The following DPP10 variants were observed in gnomAD, a reference collection of about 807,000 sequenced individuals.
The protein encoded by DPP10 is dipeptidyl peptidase like 10, also known as inactive dipeptidyl peptidase 10.
Under a neutral mutation model 120.9 loss-of-function variants are expected in DPP10, and 33 were observed. The observed-to-expected ratio is 0.27, with a 90% CI of 0.21 to 0.37. The LOEUF (loss-of-function observed/expected upper bound fraction) is 0.37, where lower values mean the gene tolerates loss of function less well. DPP10 is among the 10% of genes least tolerant of loss of function. The pLI is 1.00. For synonymous variants in DPP10, 337 were observed against 326.1 expected (o/e 1.03, Z -0.36); for missense variants, 816 against 942.8 (o/e 0.87, Z 1.76).
chr2:114,985,109 T>C (rs896932293), intron 1 of DPP10, among the ~76,000 whole-genome samples: 1 of 152,228 alleles, frequency 6.6e-6, no homozygotes, highest in African/African-American at 2.4e-5. Flanking sequence ...TGCCTTTCTC[T>C]AACTCCATCT....
At chr2:114,976,125 A>G (rs1490605062) in intron 1 of DPP10, among the ~76,000 whole-genome samples, 2 of 152,224 alleles carry the variant, frequency 1.3e-5, no homozygotes. Flanking sequence ...AACAATGTTT[A>G]CAAATTAAAA....
intron 1 of DPP10, among the ~76,000 whole-genome samples, chr2:115,174,664 G>A (rs570630227): frequency 6.6e-6 from 1 of 152,270 alleles, no homozygotes; most frequent in Non-Finnish European, 1.5e-5. Context: ...ACATTGAAAA[G>A]ATGAATGTAT....
chr2:115,005,364 G>A (rs1177425458), intron 1 of DPP10, among the ~76,000 whole-genome samples: 12 of 152,214 alleles, frequency 7.9e-5, no homozygotes, highest in South Asian at 2.1e-4. Context: ...AAAGCTGGAC[G>A]GAGAATGACT....
chr2:114,598,517 T>C (rs1240526838), intron 1 of DPP10, among the ~76,000 whole-genome samples: 1 of 151,810 alleles, frequency 6.6e-6, no homozygotes, highest in African/African-American at 2.4e-5. Context: ...ATGCCAACAC[T>C]TAATAACTGA....
At chr2:114,974,786 G>T (rs1160530678) in intron 1 of DPP10, among the ~76,000 whole-genome samples, 2 of 152,046 alleles carry the variant, frequency 1.3e-5, no homozygotes, top group African/African-American at 4.8e-5. Flanking sequence ...TATGATGTTT[G>T]CAGGAAAACA....
intron 1 of DPP10, among the ~76,000 whole-genome samples, chr2:114,774,317 T>C (rs1184443926): frequency 6.6e-6 from 1 of 151,984 alleles, no homozygotes; most frequent in East Asian, 1.9e-4. Context: ...AACCAACCTA[T>C]GCACAGCAGT....
chr2:115,009,748 A>G (rs1435978383), intron 1 of DPP10, among the ~76,000 whole-genome samples: 1 of 152,222 alleles, frequency 6.6e-6, no homozygotes, highest in Non-Finnish European at 1.5e-5. Context: ...CACGTTCTGC[A>G]CATGTATCCT....
At chr2:115,383,581 C>G (rs1205072606) in intron 3 of DPP10, among the ~76,000 whole-genome samples, 1 of 152,158 alleles carries the variant, frequency 6.6e-6, no homozygotes, top group African/African-American at 2.4e-5. Context: ...CCATTTCAGA[C>G]TTTGCTAAGC....
chr2:114,789,013 A>G (rs1310454964), intron 1 of DPP10, among the ~76,000 whole-genome samples: 1 of 152,114 alleles, frequency 6.6e-6, no homozygotes, highest in Middle Eastern at 3.2e-3. Flanking sequence ...TCACCATTAT[A>G]TCTTTGGAAA....
At chr2:114,776,702 A>G (rs1323855381) in intron 1 of DPP10, among the ~76,000 whole-genome samples, 1 of 152,198 alleles carries the variant, frequency 6.6e-6, no homozygotes, top group Non-Finnish European at 1.5e-5. Flanking sequence ...TGTTGGATAA[A>G]TTACATTAGA....
chr2:115,047,670 G>A (rs546439470), intron 1 of DPP10, among the ~76,000 whole-genome samples: 4 of 152,022 alleles, frequency 2.6e-5, no homozygotes, highest in Non-Finnish European at 4.4e-5. Context: ...GAAATGCTCA[G>A]TTGTACTCTC....
chr2:115,579,176 T>TTTTGTTCCA (rs2081868771), intron 5 of DPP10: 1 of 152,178 alleles, frequency 6.6e-6, no homozygotes, highest in Non-Finnish European at 1.5e-5. Context: ...AGCTGGGGCA[T>TTTTGTTCCA]GAGTCCAGGC....
intron 1 of DPP10, among the ~76,000 whole-genome samples, chr2:114,845,079 G>A (rs1306161293): frequency 2.0e-5 from 3 of 152,126 alleles, no homozygotes; most frequent in African/African-American, 7.2e-5. Flanking sequence ...TCCAACGCTA[G>A]CGCCCTTTCC....
chr2:115,473,628 T>G (rs1012431326), intron 3 of DPP10, among the ~76,000 whole-genome samples: 3 of 152,352 alleles, frequency 2.0e-5, no homozygotes, highest in South Asian at 2.1e-4. Flanking sequence ...AAAGCCTCTG[T>G]CTGGCTGGCT....
At chr2:115,496,064 G>T (rs1237383245) in intron 3 of DPP10, among the ~76,000 whole-genome samples, 1 of 151,986 alleles carries the variant, frequency 6.6e-6, no homozygotes, top group Non-Finnish European at 1.5e-5. Flanking sequence ...ATCACTATTA[G>T]TCTGGTAGAT....
chr2:114,912,540 TC>T (rs1169622344), intron 1 of DPP10, among the ~76,000 whole-genome samples: 2 of 151,970 alleles, frequency 1.3e-5, no homozygotes, highest in Non-Finnish European at 2.9e-5. Context: ...GAAGAGCTTC[TC>T]CCACCAAGAG....
At chr2:115,228,180 C>T (rs1247217351) in intron 1 of DPP10, among the ~76,000 whole-genome samples, 1 of 151,946 alleles carries the variant, frequency 6.6e-6, no homozygotes, top group Non-Finnish European at 1.5e-5. Context: ...CTACTGGGCT[C>T]AAGTGGTCTG....
At chr2:114,924,092 C>T (rs936752706) in intron 1 of DPP10, among the ~76,000 whole-genome samples, 3 of 152,142 alleles carry the variant, frequency 2.0e-5, no homozygotes, top group Non-Finnish European at 4.4e-5. Flanking sequence ...CTTTCTGTGG[C>T]TGCCCTCACT....
chr2:115,718,133 T>C (rs532517976), intron 7 of DPP10, among the ~76,000 whole-genome samples: 4 of 152,228 alleles, frequency 2.6e-5, no homozygotes, highest in African/African-American at 9.6e-5. Context: ...TTCTAAATTG[T>C]AATTATATCT....
Sources: allele counts gnomAD v4.1 joint callset (sites outside exome capture counted in the v4.1 genomes callset), GRCh38; gene constraint gnomAD v4.1.1; transcripts MANE v1.5; gene names NCBI Gene and HGNC (gene_info 2026-07-23, HGNC 2026-07-21).